CCDC50: variants seen among roughly 807,000 people sequenced by gnomAD.
CCDC50 encodes the protein coiled-coil domain-containing protein 50.
In CCDC50, 54 loss-of-function variants were observed where a neutral mutation model predicts 70.2. The observed-to-expected ratio is 0.77, with a 90% confidence interval of 0.62 to 0.96. The LOEUF (loss-of-function observed/expected upper bound fraction) is 0.96. Ranked by LOEUF, CCDC50 falls within the 50% of genes least tolerant of loss-of-function variation. CCDC50 has a pLI of 0.00. For missense variants in CCDC50, 558 were observed against 578.7 expected (o/e 0.96, Z 0.37); for synonymous variants, 216 against 198.8 (o/e 1.09, Z -0.73).
chr3:191,350,693 T>A (rs1159362130), intron 1 of CCDC50, among the ~76,000 whole-genome samples: 1 of 142,006 alleles, frequency 7.0e-6, no homozygotes, highest in Non-Finnish European at 1.6e-5. Context: ...CAGAAAATTC[T>A]GGCTTTGGTT....
intron 3 of CCDC50, among the ~76,000 whole-genome samples, chr3:191,360,835 T>C (rs529522799): frequency 6.6e-6 from 1 of 152,314 alleles, no homozygotes; most frequent in Non-Finnish European, 1.5e-5. Context: ...CAGATTCCAG[T>C]TCTACCACAT....
chr3:191,382,363 ACT>A (rs1239309014), intron 9 of CCDC50, among the ~76,000 whole-genome samples: 4 of 152,030 alleles, frequency 2.6e-5, no homozygotes, highest in African/African-American at 9.7e-5. Flanking sequence ...GATTCCGTAG[ACT>A]CTGGGCGTGC....
intron 11 of CCDC50, among the ~76,000 whole-genome samples, chr3:191,391,176 T>C (rs1713682257): frequency 1.3e-5 from 2 of 152,202 alleles, no homozygotes; most frequent in Non-Finnish European, 1.5e-5. Flanking sequence ...TTAGGTGATA[T>C]TGTTATTCAT....
At chr3:191,345,831 G>T (rs935814451) in intron 1 of CCDC50, among the ~76,000 whole-genome samples, 1 of 152,098 alleles carries the variant, frequency 6.6e-6, no homozygotes, top group East Asian at 1.9e-4. Context: ...ATGATTCTTC[G>T]CAGTGTGTTT....
At chr3:191,384,437 A>G (rs938481021) in intron 10 of CCDC50, among the ~76,000 whole-genome samples, 2 of 143,800 alleles carry the variant, frequency 1.4e-5, no homozygotes, top group African/African-American at 4.9e-5. Context: ...TTTCACATTT[A>G]ATCATGATGG....
At chr3:191,372,356 G>A (rs894128756) in intron 5 of CCDC50, among the ~76,000 whole-genome samples, 1 of 152,140 alleles carries the variant, frequency 6.6e-6, no homozygotes, top group African/African-American at 2.4e-5. Context: ...TGCCTCAGCT[G>A]TGTTGTTATT....
At chr3:191,363,063 C>A (rs1351257711) in intron 4 of CCDC50, among the ~76,000 whole-genome samples, 1 of 112,150 alleles carries the variant, frequency 8.9e-6, no homozygotes, top group Non-Finnish European at 1.7e-5. Context: ...AATGCTACTG[C>A]TGTCCTGTGG....
chr3:191,335,939 C>T (rs1387818397), intron 1 of CCDC50, among the ~76,000 whole-genome samples: 1 of 151,104 alleles, frequency 6.6e-6, no homozygotes, highest in African/African-American at 2.4e-5. Context: ...TTTCATGCCC[C>T]CACCAGCCAC....
intron 1 of CCDC50, among the ~76,000 whole-genome samples, chr3:191,344,022 T>G (rs945447997): frequency 2.0e-5 from 3 of 152,146 alleles, no homozygotes; most frequent in Non-Finnish European, 4.4e-5. Flanking sequence ...AGAAGCAGCA[T>G]AGGAGAAATG....
chr3:191,388,177 A>C (rs420266), intron 10 of CCDC50, among the ~76,000 whole-genome samples: 64,037 of 151,786 alleles, frequency 0.42, 15,186 homozygotes, highest in Non-Finnish European at 0.53. Flanking sequence ...ATGAAATGAT[A>C]TTTGAAAGTA....
chr3:191,388,604 A>T (rs1036333066), intron 10 of CCDC50, among the ~76,000 whole-genome samples: 1 of 152,152 alleles, frequency 6.6e-6, no homozygotes, highest in African/African-American at 2.4e-5. Context: ...CGACAAGATA[A>T]AAAATTTGGA....
Position 191,358,070 on chromosome 3 carries a change from T to C in CCDC50, c.185T>C (p.Leu62Pro), listed in dbSNP as rs535276337. The change falls in exon 3 of 12, where the codon CTC (leucine) becomes CCC (proline). Residue 62 changes from leucine to proline, a missense_variant. By Grantham distance (98) the Leu-to-Pro change is moderately conservative. Coordinates refer to ENST00000392455, the MANE Select transcript of CCDC50 (RefSeq NM_178335.3). ...CATGATCTCCAGGTGGCTAAGCAGC[T>C]CCAAGAGGAAGATCTGAAAGCGCAG... is the stretch of plus-strand genomic sequence containing the variant. ...VQHDLQVAKQ[L>P]QEEDLKAQAQ... 6.2e-7 allele frequency: 1 copy of C among 1,613,956 alleles called. No individual in the cohort carries two copies. The highest frequency in any genetic ancestry group is 8.5e-7 in the Non-Finnish European group (1 of 1,179,884).
chr3:191,342,569 T>A (rs767592986), intron 1 of CCDC50, among the ~76,000 whole-genome samples: 13 of 152,216 alleles, frequency 8.5e-5, no homozygotes, highest in Non-Finnish European at 1.6e-4. Context: ...TAAGCTGGGC[T>A]GGAAGTGATC....
chr3:191,361,740 T>A (rs1289429478), intron 4 of CCDC50, among the ~76,000 whole-genome samples: 1 of 152,224 alleles, frequency 6.6e-6, no homozygotes, highest in Non-Finnish European at 1.5e-5. Flanking sequence ...AAAGACTGTT[T>A]CCAAATAAGG....
At chr3:191,350,099 C>A (rs1712058398) in intron 1 of CCDC50, among the ~76,000 whole-genome samples, 1 of 138,780 alleles carries the variant, frequency 7.2e-6, no homozygotes, top group African/African-American at 2.6e-5. Context: ...TTCTCTTGAG[C>A]CTTAGTTTCC....
rs753436490 is a variant in CCDC50, at chr3:191,380,676, C to T, written c.1093-11C>T. 33 of 1,610,546 alleles carry T rather than the reference C, an allele frequency of 2.0e-5. 1 individual carries two copies. In the South Asian group the frequency reaches 2.5e-4, roughly 12 times the overall value. On this transcript the variant is annotated splice_polypyrimidine_tract_variant and intron_variant, in intron 7 of 11. Coordinates refer to ENST00000392455, the MANE Select transcript of CCDC50 (RefSeq NM_178335.3). ...ATTAAATTCTTTGTTTTTGTATTTT[C>T]GATATCATAGGCTACCCAGGTGGAC...
rs1475056110 is a variant in CCDC50, at chr3:191,398,165, G to C, written c.*6405G>C. ...GGTTGAGGTGTTCAACATCGTTAAG[G>C]CACTCCCAAAACGCAAACCTCCTTT... is the stretch of plus-strand genomic sequence containing the variant. On this transcript the variant is annotated 3_prime_UTR_variant, in exon 12 of 12. Transcript: ENST00000392455. 1 of 152,144 alleles carries C rather than the reference G, an allele frequency of 6.6e-6. No individual in the cohort carries two copies. Among genetic ancestry groups the C allele is most frequent in the African/African-American group, 2.4e-5 (1 of 41,422 alleles). 9.4% of individuals were successfully genotyped at this position (152,144 alleles called of 1,614,324 possible). A position where few individuals can be genotyped will look rare whatever the true frequency, so the allele number is the denominator to read the frequency against.
At chr3:191,351,858 C>T (rs534824999) in intron 1 of CCDC50, among the ~76,000 whole-genome samples, 7 of 141,072 alleles carry the variant, frequency 5.0e-5, no homozygotes, top group South Asian at 2.2e-4. Flanking sequence ...TTCTGTGCTC[C>T]GGACACACAC....
rs1553844770 is a variant in CCDC50 at position 191,382,806 on chromosome 3, A to C, written c.1303A>C (p.Lys435Gln). The change falls in exon 10 of 12, where the codon AAG becomes CAG. Residue 435 changes from lysine (K) to glutamine (Q), a missense_variant. By Grantham distance (53) the Lys-to-Gln change is moderately conservative (BLOSUM62 1). Transcript: ENST00000392455. ...AGAGAGTGATGAACCTCACCATTCT[A>C]AGAATGAAAGGCCAGCACGGTAAGC... ...SKESDEPHHS[K>Q]NERPARPPPP... 6.2e-7 allele frequency: 1 copy of C among 1,612,624 alleles called. No individual in the cohort carries two copies. Among genetic ancestry groups the C allele is most frequent in the Non-Finnish European group, 8.5e-7 (1 of 1,178,824 alleles).
Sources: allele counts gnomAD v4.1 joint callset (sites outside exome capture counted in the v4.1 genomes callset), GRCh38; gene constraint gnomAD v4.1.1; transcripts MANE v1.5; gene names NCBI Gene and HGNC (gene_info 2026-07-23, HGNC 2026-07-21).